Variants in ITPKB observed in about 807,000 individuals in gnomAD.
ITPKB encodes the protein inositol-trisphosphate 3-kinase B, also known as IP3 3-kinase B.
ITPKB carries 13 observed loss-of-function variants against 69.4 expected under a neutral mutation model. The observed-to-expected ratio is 0.19, with a 90% CI of 0.12 to 0.30. ITPKB has a LOEUF of 0.30. Ranked by LOEUF, ITPKB falls within the 10% of genes least tolerant of loss-of-function variation. The pLI, the probability that ITPKB is intolerant of heterozygous loss-of-function variation, is 1.00. For synonymous variants in ITPKB, 584 were observed against 513.7 expected (o/e 1.14, Z -1.85); for missense variants, 1,240 against 1,250.5 (o/e 0.99, Z 0.13).
chr1:226,702,287 C>T (rs1656686884), intron 2 of ITPKB, among the ~76,000 whole-genome samples: 1 of 151,828 alleles, frequency 6.6e-6, no homozygotes, highest in South Asian at 2.1e-4. Context: ...ATCCCAGCTA[C>T]TCGGGAGACT....
At chr1:226,705,663 G>A (rs1656783226) in intron 2 of ITPKB, among the ~76,000 whole-genome samples, 2 of 152,120 alleles carry the variant, frequency 1.3e-5, no homozygotes, top group South Asian at 4.1e-4. Context: ...TTCCCACCAA[G>A]GAGACTTGTA....
chr1:226,733,754 A>G (rs1657663741), intron 2 of ITPKB, among the ~76,000 whole-genome samples: 1 of 152,204 alleles, frequency 6.6e-6, no homozygotes, highest in Non-Finnish European at 1.5e-5. Context: ...ACTAACTTAA[A>G]AACACCACTT....
intron 2 of ITPKB, among the ~76,000 whole-genome samples, chr1:226,671,289 G>C (rs1669613075): frequency 6.6e-6 from 1 of 152,218 alleles, no homozygotes; most frequent in South Asian, 2.1e-4. Context: ...TCAGAAAAGA[G>C]ACTGATGTGG....
chr1:226,700,156 C>T lies in ITPKB; in HGVS notation c.1932+35371G>A, dbSNP rs112829371. Reference sequence around the variant, plus strand: ...TGCTAATCTCCTTTGGTAACACCGTCATAGACACACCCAGCATCAATACTT... The same window carrying T: ...TGCTAATCTCCTTTGGTAACACCGTTATAGACACACCCAGCATCAATACTT... On this transcript the variant is annotated intron_variant, in intron 2 of 7. Transcript: ENST00000429204. Among the ~76,000 whole-genome samples the T allele has an allele frequency of 8.7e-3, 1,329 of 152,268 alleles. 5 individuals are homozygous for T. Among genetic ancestry groups the T allele is most frequent in the Non-Finnish European group, 0.014 (955 of 68,024 alleles).
Position 226,634,962 on chromosome 1 carries a change from G to C in ITPKB, c.2626-76C>G. Reference sequence around the variant, plus strand: ...CCCCACTGCGGCCCGGGGCCTGGGTGACCAGGTGGGGAGGCTCGCTCAGGC... The same window carrying C: ...CCCCACTGCGGCCCGGGGCCTGGGTCACCAGGTGGGGAGGCTCGCTCAGGC... On this transcript the variant is annotated intron_variant, in intron 7 of 7. Coordinates refer to ENST00000429204, the MANE Select transcript of ITPKB (RefSeq NM_002221.4). This position sits in a 1 kb window ranked among gnomAD's most constrained non-coding sequence, Gnocchi z 6.3. 1 of 1,163,326 alleles carries C rather than the reference G, an allele frequency of 8.6e-7. No homozygotes were observed. Among genetic ancestry groups the C allele is most frequent in the Non-Finnish European group, 1.2e-6 (1 of 809,198 alleles). The allele number at this position is 1,163,326 out of a possible 1,614,324, so 72.1% of individuals were successfully genotyped here. A position where few individuals can be genotyped will look rare whatever the true frequency, so the allele number is the denominator to read the frequency against.
At chr1:226,643,736 G>A (rs949149593) in intron 4 of ITPKB, among the ~76,000 whole-genome samples, 24 of 152,266 alleles carry the variant, frequency 1.6e-4, no homozygotes, top group Admixed American at 1.5e-3. Flanking sequence ...TCCAGGAGGT[G>A]ATGAGGGCTG....
At chr1:226,653,103 G>A (rs910263808) in intron 2 of ITPKB, among the ~76,000 whole-genome samples, 5 of 152,196 alleles carry the variant, frequency 3.3e-5, no homozygotes, top group African/African-American at 7.2e-5. Context: ...TGACAGGCCC[G>A]GGTTAGAGAA....
Position 226,736,836 on chromosome 1 carries a change from T to C in ITPKB, c.623A>G (p.Gln208Arg). The change falls in exon 2 of 8, where the codon CAA becomes CGA. Residue 208 changes from glutamine to arginine, a missense_variant. Around this residue, in one of 2 missense-constraint regions of ITPKB, gnomAD observed 992 missense variants for 853.8 expected, o/e 1.16. Coordinates refer to ENST00000429204, the MANE Select transcript of ITPKB (RefSeq NM_002221.4). The part of the protein sequence containing the change: ...EERRTKSWGE[Q>R]CPETSGTDSG... ...GTCGGTTCCTGAAGTCTCTGGACAT[T>C]GCTCCCCCCAGGACTTTGTCCTCCG... The C allele has an allele frequency of 1.9e-6, 3 of 1,612,660 alleles. No homozygotes were observed. Among genetic ancestry groups the C allele is most frequent in the Non-Finnish European group, 2.5e-6 (3 of 1,180,018 alleles).
At chr1:226,655,889 T>G (rs1201065280) in intron 2 of ITPKB, among the ~76,000 whole-genome samples, 1 of 152,206 alleles carries the variant, frequency 6.6e-6, no homozygotes, top group Non-Finnish European at 1.5e-5. Context: ...CTGGCAGCCC[T>G]GGTGACCCCC....
At chr1:226,717,808 G>T (rs1234356142) in intron 2 of ITPKB, among the ~76,000 whole-genome samples, 1 of 152,214 alleles carries the variant, frequency 6.6e-6, no homozygotes, top group African/African-American at 2.4e-5. Context: ...GGAGCAGGAA[G>T]CGACCTCAGA....
At position 226,737,637 on chromosome 1, in the gene ITPKB, C is replaced by T; in HGVS notation, c.-179G>A. ...GGCACGACCGCGGGCTCAGCCCCCGCCCAAAGCTCCATAAACAACCGTGCG... is the reference window on the plus strand; with the variant it reads ...GGCACGACCGCGGGCTCAGCCCCCGTCCAAAGCTCCATAAACAACCGTGCG... On this transcript the variant is annotated 5_prime_UTR_variant, in exon 2 of 8. Coordinates refer to ENST00000429204, the MANE Select transcript of ITPKB (RefSeq NM_002221.4). 1.8e-6 allele frequency: 2 copies of T among 1,109,112 alleles called. No individual in the cohort carries two copies. Among genetic ancestry groups the T allele is most frequent in the African/African-American group, 1.7e-5 (1 of 60,596 alleles). 68.7% of individuals were successfully genotyped at this position (1,109,112 alleles called of 1,614,324 possible). A position where few individuals can be genotyped will look rare whatever the true frequency, so the allele number is the denominator to read the frequency against.
chr1:226,641,999 C>T lies in ITPKB; in HGVS notation c.2373G>A (p.Val791=), dbSNP rs773972019. 1.6e-5 allele frequency: 26 copies of T among 1,614,120 alleles called. No individual in the cohort carries two copies. The highest frequency in any genetic ancestry group is 2.7e-5 in the African/African-American group (2 of 74,956). ...PTEEEKAQRA[V]TKPRYMQWRE... ...GCCACTGCATGTACCGTGGCTTGGT[C>T]ACAGCCCGCTGTGCTTTTTCCTCCT... Residue 791 remains valine (V), a synonymous_variant, in exon 5 of 8, where the codon GTG becomes GTA. Coordinates refer to ENST00000429204, the MANE Select transcript of ITPKB (RefSeq NM_002221.4). This position sits in a 1 kb window ranked among gnomAD's most constrained non-coding sequence, Gnocchi z 4.6.
intron 2 of ITPKB, among the ~76,000 whole-genome samples, chr1:226,678,038 C>T (rs528886915): frequency 1.7e-3 from 254 of 151,988 alleles, no homozygotes; most frequent in South Asian, 0.012. Flanking sequence ...AACCATGAAA[C>T]GAAGGAATTA....
Position 226,737,337 on chromosome 1 carries a change from A to C in ITPKB, c.122T>G (p.Val41Gly). ...GCTGAAAACGCTGCCGGGGCTCAGC[A>C]CTGCCCTCCTCGGGGGCGGGGGCGT... Reference protein sequence around the residue: ...SETPPPPRRAVLSPGSVFSPG... With the variant: ...SETPPPPRRAGLSPGSVFSPG... Residue 41 changes from valine to glycine, a missense_variant, in exon 2 of 8, where the codon GTG (valine) becomes GGG (glycine). Val to Gly is a moderately radical substitution (Grantham distance 109). Around this residue, in one of 2 missense-constraint regions of ITPKB, gnomAD observed 992 missense variants for 853.8 expected, o/e 1.16. Transcript: ENST00000429204. The C allele has an allele frequency of 6.2e-7, 1 of 1,601,728 alleles. No homozygotes were observed. The highest frequency in any genetic ancestry group is 1.3e-5 in the African/African-American group (1 of 74,854).
chr1:226,723,835 T>C (rs1316846764), intron 2 of ITPKB, among the ~76,000 whole-genome samples: 1 of 152,096 alleles, frequency 6.6e-6, no homozygotes, highest in African/African-American at 2.4e-5. Flanking sequence ...CAGGGGATTG[T>C]TTTTTTAAAC....
rs1430629646 is a variant in ITPKB, at chr1:226,639,689, G to A, written c.2452-31C>T. On this transcript the variant is annotated intron_variant, in intron 5 of 7. Coordinates refer to ENST00000429204, the MANE Select transcript of ITPKB (RefSeq NM_002221.4). ...AAAGAGAACACCCCACCCAGGAGGGGGTCAGCAGGGACCCTCGGGCAGAAA... is the reference window on the plus strand; with the variant it reads ...AAAGAGAACACCCCACCCAGGAGGGAGTCAGCAGGGACCCTCGGGCAGAAA... 9 of 1,428,994 alleles carry A rather than the reference G, an allele frequency of 6.3e-6. No individual in the cohort carries two copies. In the African/African-American group the frequency reaches 8.4e-5, roughly 13 times the overall value. 88.5% of individuals were successfully genotyped at this position (1,428,994 alleles called of 1,614,324 possible). A position where few individuals can be genotyped will look rare whatever the true frequency, so the allele number is the denominator to read the frequency against.
chr1:226,687,026 G>A (rs1227407446), intron 2 of ITPKB, among the ~76,000 whole-genome samples: 1 of 152,244 alleles, frequency 6.6e-6, no homozygotes, highest in African/African-American at 2.4e-5. Flanking sequence ...AACATCACCA[G>A]GTGCTGGCAG....
chr1:226,706,016 C>T (rs1003502361), intron 2 of ITPKB, among the ~76,000 whole-genome samples: 3 of 152,166 alleles, frequency 2.0e-5, no homozygotes, highest in Admixed American at 6.5e-5. Flanking sequence ...TTCCAAGCTG[C>T]TAAAGGGCTG....
chr1:226,688,945 C>A (rs1208443161), intron 2 of ITPKB, among the ~76,000 whole-genome samples: 1 of 152,190 alleles, frequency 6.6e-6, no homozygotes, highest in Non-Finnish European at 1.5e-5. Context: ...TTACTGACAT[C>A]TGGATTCCAC....
Sources: allele counts gnomAD v4.1 joint callset (sites outside exome capture counted in the v4.1 genomes callset), GRCh38; gene constraint gnomAD v4.1.1; regional missense constraint gnomAD v4.1.1; non-coding constraint Gnocchi (gnomAD v3.1); transcripts MANE v1.5; gene names NCBI Gene and HGNC (gene_info 2026-07-23, HGNC 2026-07-21).